The following CEP63 variants were observed in gnomAD, a reference collection of about 807,000 sequenced individuals.
The protein encoded by CEP63 is centrosomal protein 63.
CEP63 carries 84 observed loss-of-function variants against 89.1 expected under a neutral mutation model. That is an observed-to-expected ratio of 0.94 (90% CI 0.79 to 1.13). The LOEUF (loss-of-function observed/expected upper bound fraction) is 1.13, where lower values mean the gene tolerates loss of function less well. Ranked by LOEUF, CEP63 falls within the 50% of genes most tolerant of loss-of-function variation. CEP63 has a pLI of 0.00. For synonymous variants in CEP63, 267 were observed against 272.5 expected, an observed-to-expected ratio of 0.98 and a Z score of 0.20; for missense variants, 838 against 813.3, an observed-to-expected ratio of 1.03 and a Z score of -0.37.
chr3:134,750,825 C>A, the CEP63 span, among the ~76,000 whole-genome samples: 3 of 152,174 alleles, frequency 2.0e-5, no homozygotes, highest in African/African-American at 4.8e-5. Flanking sequence ...CCAGAGAAAG[C>A]TTTGTTTGCT....
chr3:134,775,083 G>A, the CEP63 span, among the ~76,000 whole-genome samples: 16 of 152,132 alleles, frequency 1.1e-4, no homozygotes, highest in Non-Finnish European at 7.4e-5. Flanking sequence ...CACCTCCGGT[G>A]GTGACTGTCT....
At chr3:134,754,686 AT>A in the CEP63 span, among the ~76,000 whole-genome samples, 1 of 151,958 alleles carries the variant, frequency 6.6e-6, no homozygotes, top group Non-Finnish European at 1.5e-5. Flanking sequence ...GGCAGCTCTG[AT>A]TTTCTGTGTT....
intron 9 of CEP63, among the ~76,000 whole-genome samples, chr3:134,547,908 C>T (rs1393784560): frequency 6.6e-6 from 1 of 152,066 alleles, no homozygotes; most frequent in East Asian, 1.9e-4. Context: ...CGCACCCTGC[C>T]CTAAGTTCTT....
the CEP63 span, among the ~76,000 whole-genome samples, chr3:134,618,189 G>T: frequency 1.3e-5 from 2 of 152,168 alleles, no homozygotes; most frequent in Non-Finnish European, 2.9e-5. Flanking sequence ...GGTGATGGGG[G>T]CAGGAGGCAG....
At chr3:134,722,414 C>T in the CEP63 span, among the ~76,000 whole-genome samples, 5 of 151,988 alleles carry the variant, frequency 3.3e-5, no homozygotes. Flanking sequence ...CTCTTTCATT[C>T]CCGATTTAAT....
At chr3:134,488,732 A>T (rs1034275057) in intron 1 of CEP63, among the ~76,000 whole-genome samples, 1 of 152,240 alleles carries the variant, frequency 6.6e-6, no homozygotes, top group Non-Finnish European at 1.5e-5. Flanking sequence ...GTCTTCCATG[A>T]AACAGGTCCC....
chr3:134,581,679 AT>A, intron 10 of CEP63, among the ~76,000 whole-genome samples: 1 of 124,188 alleles, frequency 8.1e-6, no homozygotes, highest in East Asian at 2.3e-4. Flanking sequence ...TGATGAAAAC[AT>A]TTTTTTTTTT....
the CEP63 span, among the ~76,000 whole-genome samples, chr3:134,718,254 G>A: frequency 6.6e-6 from 1 of 152,184 alleles, no homozygotes; most frequent in Non-Finnish European, 1.5e-5. Flanking sequence ...ATTAAAGTAG[G>A]TAGAATCTAA....
intron 11 of CEP63, among the ~76,000 whole-genome samples, chr3:134,570,253 C>T (rs956858335): frequency 6.6e-6 from 1 of 152,036 alleles, no homozygotes; most frequent in Non-Finnish European, 1.5e-5. Context: ...AATTTCTCCT[C>T]AGAAAGTGGG....
chr3:134,608,228 G>A, the CEP63 span: 4 of 1,187,894 alleles, frequency 3.4e-6, no homozygotes, highest in African/African-American at 6.4e-5. Flanking sequence ...TTGGGGACCT[G>A]AGCCCAGAGG....
intron 3 of CEP63, among the ~76,000 whole-genome samples, chr3:134,518,937 A>C (rs79402856): frequency 0.016 from 2,456 of 152,214 alleles, 56 homozygotes; most frequent in African/African-American, 0.055. Flanking sequence ...GAAAATAACT[A>C]ATGTTAGCAA....
At chr3:134,520,755 C>A (rs558278601) in intron 3 of CEP63, among the ~76,000 whole-genome samples, 1 of 152,272 alleles carries the variant, frequency 6.6e-6, no homozygotes. Context: ...TGATTCATGA[C>A]AAGATGACAC....
intron 10 of CEP63, among the ~76,000 whole-genome samples, chr3:134,583,980 CTGT>C (rs1308752675): frequency 6.6e-5 from 10 of 151,376 alleles, no homozygotes; most frequent in African/African-American, 2.4e-5. Flanking sequence ...GGCTCTCTGT[CTGT>C]TGTTGGTGTA....
the CEP63 span, among the ~76,000 whole-genome samples, chr3:134,691,197 A>T: frequency 2.1e-5 from 3 of 140,530 alleles, no homozygotes; most frequent in South Asian, 6.9e-4. Context: ...TCTACAAAAA[A>T]TACCAAAAAT....
chr3:134,605,933 C>T, the CEP63 span, among the ~76,000 whole-genome samples: 1 of 152,238 alleles, frequency 6.6e-6, no homozygotes, highest in Non-Finnish European at 1.5e-5. Context: ...AATTGTGTGA[C>T]TCTTGGTGCT....
At chr3:134,727,977 A>G in the CEP63 span, among the ~76,000 whole-genome samples, 3 of 152,318 alleles carry the variant, frequency 2.0e-5, no homozygotes, top group African/African-American at 7.2e-5. Context: ...GTGAAAGAAA[A>G]ACAGAGAGAT....
intron 6 of CEP63, among the ~76,000 whole-genome samples, chr3:134,540,971 AG>A (rs973143752): frequency 1.3e-5 from 2 of 151,930 alleles, no homozygotes; most frequent in African/African-American, 2.4e-5. Context: ...CAGTAGAGAC[AG>A]GGTTTCACCA....
the CEP63 span, among the ~76,000 whole-genome samples, chr3:134,765,087 C>A: frequency 6.6e-6 from 1 of 152,136 alleles, no homozygotes; most frequent in African/African-American, 2.4e-5. Context: ...TACTGCAGGT[C>A]AGGGTAGGGC....
chr3:134,704,703 C>G, the CEP63 span, among the ~76,000 whole-genome samples: 1 of 152,234 alleles, frequency 6.6e-6, no homozygotes, highest in South Asian at 2.1e-4. Flanking sequence ...GTGCACCTCT[C>G]TTGTGAGCCT....
Sources: allele counts gnomAD v4.1 joint callset (sites outside exome capture counted in the v4.1 genomes callset), GRCh38; gene constraint gnomAD v4.1.1; transcripts MANE v1.5; gene names NCBI Gene and HGNC (gene_info 2026-07-23, HGNC 2026-07-21).